The following VTA1 variants were observed in gnomAD, a reference collection of about 807,000 sequenced individuals.
The protein encoded by VTA1 is vacuolar protein sorting-associated protein VTA1 homolog.
VTA1 carries 24 observed loss-of-function variants against 36.9 expected under a neutral mutation model. The ratio of observed to expected loss-of-function variants is 0.65; its 90% CI spans 0.47 to 0.91. The LOEUF is 0.91. Among genes scored for constraint, VTA1 ranks in the 40% least tolerant of loss-of-function variants. The pLI is 0.00. For synonymous variants in VTA1, 142 were observed against 130.2 expected, an observed-to-expected ratio of 1.09 and a Z score of -0.62; for missense variants, 393 against 377.2, an observed-to-expected ratio of 1.04 and a Z score of -0.35.
intron 1 of VTA1, among the ~76,000 whole-genome samples, chr6:142,160,930 A>AT (rs1774792166): frequency 6.6e-6 from 1 of 152,060 alleles, no homozygotes; most frequent in South Asian, 2.1e-4. Flanking sequence ...CTATACTTTG[A>AT]TTTTCATTAC....
At position 142,170,435 on chromosome 6, in the gene VTA1, CT is replaced by C. The variant is rs1775007298; in HGVS notation, c.411+17del. ...CTCACTGATGAAGTGAGTGTACATT[CT>C]TTATTGTCTTATTAGCTGAAGATCA... On this transcript the variant is annotated intron_variant, in intron 4 of 7. Coordinates refer to ENST00000367630, the MANE Select transcript of VTA1 (RefSeq NM_016485.5). 6.6e-7 allele frequency: 1 copy of C among 1,523,944 alleles called. No homozygotes were observed. Among genetic ancestry groups the C allele is most frequent in the South Asian group, 1.2e-5 (1 of 83,206 alleles). The allele number at this position is 1,523,944 out of a possible 1,614,324, so 94.4% of individuals were successfully genotyped here. A position where few individuals can be genotyped will look rare whatever the true frequency, so the allele number is the denominator to read the frequency against.
Position 142,161,314 on chromosome 6 carries a change from G to A in VTA1, c.113-4914G>A, listed in dbSNP as rs777399134. ...TGTATCAATATGTATTCTATTGAGT[G>A]CCACATTTTTTAACCTATCAAAGCC... On this transcript the variant is annotated intron_variant, in intron 1 of 7. Transcript: ENST00000367630. Among the ~76,000 whole-genome samples the A allele has an allele frequency of 4.5e-4, 68 of 152,034 alleles. 1 individual carries two copies. The highest frequency in any genetic ancestry group is 3.9e-4 in the East Asian group (2 of 5,180).
At chr6:142,175,499 TC>T (rs1349345286) in intron 4 of VTA1, among the ~76,000 whole-genome samples, 1 of 152,070 alleles carries the variant, frequency 6.6e-6, no homozygotes, top group Non-Finnish European at 1.5e-5. Flanking sequence ...CTCTCAGCTC[TC>T]CCCCACCTGT....
chr6:142,169,823 G>A, intron 3 of VTA1, 146 bp downstream of exon 3: 1 of 747,284 alleles, frequency 1.3e-6, no homozygotes. Context: ...GGTGATTTTA[G>A]ATTACAAATT....
chr6:142,175,606 T>C (rs1250383412), intron 4 of VTA1, among the ~76,000 whole-genome samples: 1 of 152,060 alleles, frequency 6.6e-6, no homozygotes, highest in African/African-American at 2.4e-5. Flanking sequence ...GGGGGCTTTG[T>C]CTTCTTGATT....
At chr6:142,213,526 T>TG (rs1775942160) in intron 7 of VTA1, among the ~76,000 whole-genome samples, 1 of 152,244 alleles carries the variant, frequency 6.6e-6, no homozygotes, top group Non-Finnish European at 1.5e-5. Flanking sequence ...GCATGCTGCA[T>TG]GGGGGCTCCA....
intron 4 of VTA1, among the ~76,000 whole-genome samples, chr6:142,174,748 G>T (rs1409252430): frequency 2.0e-5 from 3 of 152,174 alleles, no homozygotes; most frequent in Non-Finnish European, 4.4e-5. Context: ...GATCTTTTAT[G>T]AATGGCTTGG....
intron 7 of VTA1, among the ~76,000 whole-genome samples, chr6:142,210,054 G>A (rs1775872024): frequency 6.6e-6 from 1 of 152,094 alleles, no homozygotes; most frequent in South Asian, 2.1e-4. Context: ...CATGGTACTG[G>A]CATAAAAAAC....
At chr6:142,186,671 G>A (rs1334179358) in intron 4 of VTA1, among the ~76,000 whole-genome samples, 1 of 152,150 alleles carries the variant, frequency 6.6e-6, no homozygotes, top group Non-Finnish European at 1.5e-5. Flanking sequence ...GGGATCAAAA[G>A]AACAGTTTTA....
chr6:142,178,582 A>G (rs554547967), intron 4 of VTA1, among the ~76,000 whole-genome samples: 98 of 152,218 alleles, frequency 6.4e-4, no homozygotes, highest in Non-Finnish European at 2.9e-5. Flanking sequence ...ATATATTTTT[A>G]ATTTCTTTAA....
At position 142,204,004 on chromosome 6, in the gene VTA1, C is replaced by G. The variant is rs2232307; in HGVS notation, c.717C>G (p.Ile239Met). The G allele has an allele frequency of 2.6e-4, 423 of 1,613,454 alleles. 2 individuals are homozygous for G. The African/African-American group carries it at 5.1e-3, about 20-fold the overall frequency. ...PHSTGVASNT[I>M]QPTPQTIPAI... Reference sequence around the variant, plus strand: ...TTGCAGGTGTAGCAAGTAATACTATCCAACCTACTCCACAGACTATACCTG... The same window carrying G: ...TTGCAGGTGTAGCAAGTAATACTATGCAACCTACTCCACAGACTATACCTG... Residue 239 changes from isoleucine to methionine, a missense_variant, in exon 7 of 8, where the codon ATC becomes ATG. Ile to Met is a conservative substitution (Grantham distance 10). Transcript: ENST00000367630.
intron 5 of VTA1, among the ~76,000 whole-genome samples, chr6:142,192,409 A>T (rs781483813): frequency 6.6e-6 from 1 of 152,092 alleles, no homozygotes; most frequent in South Asian, 2.1e-4. Context: ...TTTGGGATGT[A>T]ACACCATCGT....
chr6:142,198,163 G>GTA (rs1554220897), intron 5 of VTA1, among the ~76,000 whole-genome samples: 61 of 66,992 alleles, frequency 9.1e-4, no homozygotes, highest in African/African-American at 1.9e-3. Context: ...GTGTGTGTGT[G>GTA]TATATGTGTG....
intron 5 of VTA1, among the ~76,000 whole-genome samples, chr6:142,190,432 CTA>C (rs1199452138): frequency 6.6e-6 from 1 of 151,696 alleles, no homozygotes; most frequent in Non-Finnish European, 1.5e-5. Context: ...CTGTACCTGG[CTA>C]TGTTTTTTTT....
At chr6:142,168,943 G>A (rs949347773) in intron 2 of VTA1, among the ~76,000 whole-genome samples, 2 of 151,526 alleles carry the variant, frequency 1.3e-5, no homozygotes, top group Admixed American at 1.3e-4. Flanking sequence ...ATTTCTTTTT[G>A]TATTTTTAGT....
At chr6:142,189,034 GTTTT>G (rs777769594) in intron 4 of VTA1, among the ~76,000 whole-genome samples, 4 of 151,854 alleles carry the variant, frequency 2.6e-5, no homozygotes, top group Admixed American at 2.0e-4. Flanking sequence ...GTACAGTTCT[GTTTT>G]TTTGTCTTTA....
rs1245318518 is a variant in VTA1, at chr6:142,169,653, A to T, written c.311A>T (p.Glu104Val). Reference sequence around the variant, plus strand: ...AAAATGTTTTTGTATGCAGACAATGAAGATCGTGCTGGACGATTTCACAAG... The same window carrying T: ...AAAATGTTTTTGTATGCAGACAATGTAGATCGTGCTGGACGATTTCACAAG... Reference protein sequence around the residue: ...ALKMFLYADNEDRAGRFHKNM... With the variant: ...ALKMFLYADNVDRAGRFHKNM... Residue 104 changes from glutamate to valine, a missense_variant, in exon 3 of 8, where the codon GAA becomes GTA. Coordinates refer to ENST00000367630, the MANE Select transcript of VTA1 (RefSeq NM_016485.5). The T allele has an allele frequency of 6.2e-7, 1 of 1,605,628 alleles. No individual in the cohort carries two copies. Among genetic ancestry groups the T allele is most frequent in the Non-Finnish European group, 8.5e-7 (1 of 1,177,886 alleles).
intron 2 of VTA1, among the ~76,000 whole-genome samples, chr6:142,166,614 CTT>C (rs869068795): frequency 3.5e-5 from 5 of 144,366 alleles, no homozygotes; most frequent in African/African-American, 2.5e-5. Context: ...AAAACCCCTC[CTT>C]TTTTTTTTTT....
chr6:142,174,275 G>T (rs1175393721), intron 4 of VTA1, among the ~76,000 whole-genome samples: 1 of 152,216 alleles, frequency 6.6e-6, no homozygotes, highest in African/African-American at 2.4e-5. Flanking sequence ...ACTTGTACCA[G>T]TGTTCCCTGG....
Sources: allele counts gnomAD v4.1 joint callset (sites outside exome capture counted in the v4.1 genomes callset), GRCh38; gene constraint gnomAD v4.1.1; transcripts MANE v1.5; gene names NCBI Gene and HGNC (gene_info 2026-07-23, HGNC 2026-07-21).